CAMSAP2: variants seen among roughly 807,000 people sequenced by gnomAD.
The protein encoded by CAMSAP2 is calmodulin regulated spectrin associated protein family member 2, also known as calmodulin-regulated spectrin-associated protein 2.
A neutral mutation model predicts 146.1 loss-of-function variants in CAMSAP2; 26 were observed. The ratio of observed to expected loss-of-function variants is 0.18; its 90% CI spans 0.13 to 0.25. The LOEUF (loss-of-function observed/expected upper bound fraction) is 0.25, where lower values mean the gene tolerates loss of function less well. Ranked by LOEUF, CAMSAP2 falls within the 10% of genes least tolerant of loss-of-function variation. The pLI is 1.00. For synonymous variants in CAMSAP2, 499 were observed against 596.6 expected, an observed-to-expected ratio of 0.84 and a Z score of 2.38; for missense variants, 1,381 against 1,759.3, an observed-to-expected ratio of 0.78 and a Z score of 3.85.
chr1:200,804,026 A>G (rs547552731), intron 2 of CAMSAP2, among the ~76,000 whole-genome samples: 1 of 151,918 alleles, frequency 6.6e-6, no homozygotes, highest in Non-Finnish European at 1.5e-5. Context: ...TCCCGGGTTC[A>G]TGCCATTCTC....
chr1:200,762,546 T>C (rs1664829404), intron 2 of CAMSAP2, among the ~76,000 whole-genome samples: 1 of 152,236 alleles, frequency 6.6e-6, no homozygotes, highest in Admixed American at 6.5e-5. Flanking sequence ...TTACTTCTGC[T>C]TCCGTTGTTT....
intron 6 of CAMSAP2, among the ~76,000 whole-genome samples, chr1:200,833,242 A>G (rs1667090730): frequency 6.6e-6 from 1 of 152,010 alleles, no homozygotes; most frequent in African/African-American, 2.4e-5. Flanking sequence ...AGTTTCTTTT[A>G]TAGTGCAAAG....
chr1:200,808,935 T>G (rs935398319), intron 3 of CAMSAP2, among the ~76,000 whole-genome samples: 1 of 152,220 alleles, frequency 6.6e-6, no homozygotes, highest in Non-Finnish European at 1.5e-5. Context: ...ATGGTTTAGC[T>G]TAGTTACCCA....
At chr1:200,804,769 G>A (rs1666129442) in intron 2 of CAMSAP2, among the ~76,000 whole-genome samples, 1 of 152,168 alleles carries the variant, frequency 6.6e-6, no homozygotes, top group Non-Finnish European at 1.5e-5. Context: ...GTAGCAGTGT[G>A]GAAAATACTT....
intron 8 of CAMSAP2, 79 bp downstream of exon 8, chr1:200,844,948 A>T (rs1667422485): frequency 2.8e-6 from 2 of 715,332 alleles, no homozygotes; most frequent in South Asian, 2.4e-5. Flanking sequence ...ATTACATTAA[A>T]TAAGGTTTTT....
rs149549766 is a variant in CAMSAP2 at position 200,758,161 on chromosome 1, G to A, written c.140-2678G>A. Among the ~76,000 whole-genome samples the A allele has an allele frequency of 4.0e-4, 61 of 152,318 alleles. No individual in the cohort carries two copies. The East Asian group carries it at 0.011, about 28-fold the overall frequency. ...TGTTATAAAGGTCATATATGAAAAT[G>A]GATGTAAAAGCAGTAAGTAAATGCT... On this transcript the variant is annotated intron_variant, in intron 1 of 16. Transcript: ENST00000358823.
intron 8 of CAMSAP2, among the ~76,000 whole-genome samples, chr1:200,846,767 T>C (rs934651936): frequency 3.9e-5 from 6 of 152,206 alleles, no homozygotes; most frequent in Non-Finnish European, 8.8e-5. Flanking sequence ...TTTCAGCAGC[T>C]ACTCCACACA....
intron 1 of CAMSAP2, 89 bp downstream of exon 1, chr1:200,740,055 C>G: frequency 7.0e-7 from 1 of 1,426,388 alleles, no homozygotes; most frequent in South Asian, 1.2e-5. Context: ...CCCTCCCTCC[C>G]CGTGCCTGTC....
intron 2 of CAMSAP2, among the ~76,000 whole-genome samples, chr1:200,789,251 T>C (rs1406597444): frequency 6.6e-6 from 1 of 152,222 alleles, no homozygotes; most frequent in Non-Finnish European, 1.5e-5. Flanking sequence ...TAAGAAGTCA[T>C]TGCCAAGCCC....
At chr1:200,793,848 C>T (rs955275038) in intron 2 of CAMSAP2, among the ~76,000 whole-genome samples, 13 of 152,070 alleles carry the variant, frequency 8.5e-5, no homozygotes, top group African/African-American at 2.7e-4. Flanking sequence ...CACCTGATGA[C>T]GTGTGTATTA....
intron 2 of CAMSAP2, among the ~76,000 whole-genome samples, chr1:200,769,651 C>T (rs1229050779): frequency 1.3e-5 from 2 of 152,182 alleles, no homozygotes; most frequent in Non-Finnish European, 1.5e-5. Flanking sequence ...CTCTTACTTA[C>T]ATTTACTGGT....
intron 2 of CAMSAP2, among the ~76,000 whole-genome samples, chr1:200,764,130 CA>C (rs1290150703): frequency 6.6e-6 from 1 of 151,980 alleles, no homozygotes; most frequent in Non-Finnish European, 1.5e-5. Flanking sequence ...TGTAAATTAA[CA>C]GTTTTTTTTT....
Position 200,849,629 on chromosome 1 carries a change from C to A in CAMSAP2, c.2860C>A (p.Arg954Ser). Residue 954 changes from arginine (R) to serine (S), a missense_variant, in exon 11 of 17, where the codon CGT becomes AGT. By Grantham distance (110) the Arg-to-Ser change is moderately radical. Transcript: ENST00000358823. This position sits in a 1 kb window ranked among gnomAD's most constrained non-coding sequence, Gnocchi z 6.3. The part of the protein sequence containing the change: ...AIAPFSSDSP[R>S]PTHPSPQSSN... The stretch of plus-strand genomic sequence containing the variant: ...TGCACCATTCTCCTCAGACTCCCCT[C>A]GTCCTACTCACCCATCTCCACAGTC... The A allele has an allele frequency of 6.2e-7, 1 of 1,614,166 alleles. No individual in the cohort carries two copies. Among genetic ancestry groups the A allele is most frequent in the Non-Finnish European group, 8.5e-7 (1 of 1,180,016 alleles).
intron 2 of CAMSAP2, among the ~76,000 whole-genome samples, chr1:200,794,422 C>T (rs1004119518): frequency 7.9e-5 from 12 of 152,100 alleles, no homozygotes; most frequent in African/African-American, 2.2e-4. Context: ...TTCTGTGAAG[C>T]CTTGGGTTTA....
At chr1:200,815,353 A>G (rs1218439899) in intron 3 of CAMSAP2, among the ~76,000 whole-genome samples, 2 of 152,222 alleles carry the variant, frequency 1.3e-5, no homozygotes, top group African/African-American at 4.8e-5. Flanking sequence ...ACTATTTGAT[A>G]AATTAATGAA....
chr1:200,808,978 T>A (rs1229736448), intron 3 of CAMSAP2, among the ~76,000 whole-genome samples: 1 of 152,208 alleles, frequency 6.6e-6, no homozygotes, highest in Non-Finnish European at 1.5e-5. Flanking sequence ...CAGAGGCAAA[T>A]ATTGCTGGAG....
At chr1:200,786,978 T>C (rs1208919065) in intron 2 of CAMSAP2, among the ~76,000 whole-genome samples, 1 of 151,866 alleles carries the variant, frequency 6.6e-6, no homozygotes, top group African/African-American at 2.4e-5. Context: ...TATAGCATGG[T>C]TTACTGGATA....
intron 4 of CAMSAP2, among the ~76,000 whole-genome samples, chr1:200,827,717 AAATTTTGGATATGAATTTT>A (rs1666940278): frequency 7.0e-6 from 1 of 143,284 alleles, no homozygotes; most frequent in African/African-American, 2.6e-5. Flanking sequence ...TTCTACATAA[AAATTTTGGATATGAATTTT>A]AATTTTGGAT....
chr1:200,841,578 T>TA (rs1443419343), intron 6 of CAMSAP2, among the ~76,000 whole-genome samples: 4 of 152,164 alleles, frequency 2.6e-5, no homozygotes, highest in Non-Finnish European at 5.9e-5. Flanking sequence ...TACATCCAGT[T>TA]ACGTTTTGGA....
Sources: allele counts gnomAD v4.1 joint callset (sites outside exome capture counted in the v4.1 genomes callset), GRCh38; gene constraint gnomAD v4.1.1; non-coding constraint Gnocchi (gnomAD v3.1); transcripts MANE v1.5; gene names NCBI Gene and HGNC (gene_info 2026-07-23, HGNC 2026-07-21).